The following SH3GL3 variants were observed in gnomAD, a reference collection of about 807,000 sequenced individuals.
SH3GL3 encodes the protein SH3 domain containing GRB2 like 3, endophilin A3.
Under a neutral mutation model 47.7 loss-of-function variants are expected in SH3GL3, and 33 were observed. The ratio of observed to expected loss-of-function variants is 0.69; its 90% CI spans 0.52 to 0.92. The LOEUF (loss-of-function observed/expected upper bound fraction) is 0.92, where lower values mean the gene tolerates loss of function less well. Ranked by LOEUF, SH3GL3 falls within the 40% of genes least tolerant of loss-of-function variation. The pLI is 0.00. For synonymous variants in SH3GL3, 155 were observed against 148.8 expected, an observed-to-expected ratio of 1.04 and a Z score of -0.30; for missense variants, 363 against 417.8, an observed-to-expected ratio of 0.87 and a Z score of 1.14.
the SH3GL3 span, among the ~76,000 whole-genome samples, chr15:83,629,209 C>G: frequency 1.3e-5 from 2 of 152,160 alleles, no homozygotes; most frequent in African/African-American, 4.8e-5. Flanking sequence ...GGCTTTTTGT[C>G]AAAATTGACC....
rs568201173 is a variant in SH3GL3 at position 83,528,232 on chromosome 15, C to G, written c.46-31021C>G. Among the ~76,000 whole-genome samples, 8 of 152,276 alleles carry G rather than the reference C, an allele frequency of 5.3e-5. No individual in the cohort carries two copies. The South Asian group carries it at 1.7e-3, about 32-fold the overall frequency. ...CTTTTCTCTTGATGTTTTTAGAAATCTCTGTCTATCTTTGGCTTTTGACAG... is the reference window on the plus strand; with the variant it reads ...CTTTTCTCTTGATGTTTTTAGAAATGTCTGTCTATCTTTGGCTTTTGACAG... On this transcript the variant is annotated intron_variant, in intron 1 of 8. Coordinates refer to ENST00000427482, the MANE Select transcript of SH3GL3 (RefSeq NM_003027.5).
intron 1 of SH3GL3, among the ~76,000 whole-genome samples, chr15:83,517,656 G>T (rs1445776431): frequency 6.6e-6 from 1 of 151,994 alleles, no homozygotes; most frequent in Non-Finnish European, 1.5e-5. Context: ...TTATTGATTT[G>T]TAGAATATAT....
intron 8 of SH3GL3, among the ~76,000 whole-genome samples, chr15:83,603,270 C>T (rs777111002): frequency 2.0e-5 from 3 of 152,080 alleles, no homozygotes; most frequent in Admixed American, 1.3e-4. Context: ...AAACTGCTGT[C>T]ACCACACTGG....
chr15:83,628,489 T>C, the SH3GL3 span, among the ~76,000 whole-genome samples: 1 of 152,194 alleles, frequency 6.6e-6, no homozygotes, highest in Non-Finnish European at 1.5e-5. Context: ...ACACCTGTAA[T>C]CCCAGCATTT....
chr15:83,562,373 C>T (rs12902433), intron 2 of SH3GL3, among the ~76,000 whole-genome samples: 16,803 of 151,908 alleles, frequency 0.11, 1,160 homozygotes, highest in African/African-American at 0.19. Context: ...AGAAAATATC[C>T]CCATTCTAAT....
intron 2 of SH3GL3, among the ~76,000 whole-genome samples, chr15:83,563,252 A>G (rs1291456964): frequency 1.3e-5 from 2 of 152,178 alleles, no homozygotes; most frequent in African/African-American, 2.4e-5. Context: ...CCTTATGATT[A>G]AAGAGTATTC....
rs58685158 is a variant in SH3GL3 at position 83,463,771 on chromosome 15, T to C, written c.45+16193T>C. On this transcript the variant is annotated intron_variant, in intron 1 of 8. Coordinates refer to ENST00000427482, the MANE Select transcript of SH3GL3 (RefSeq NM_003027.5). ...CCATGTCTGCTTTCTTTCTTTCTTT[T>C]TTTTTTTTTTTTTTTGAGACAGAGT... 3.0e-3 allele frequency among the ~76,000 whole-genome samples: 313 copies of C among 104,708 alleles called. 2 individuals are homozygous for C. The highest frequency in any genetic ancestry group is 7.3e-3 in the African/African-American group (205 of 27,930). The allele number at this position is 104,708 out of a possible 152,430, so 68.7% of individuals were successfully genotyped here.
intron 1 of SH3GL3, among the ~76,000 whole-genome samples, chr15:83,465,663 G>T (rs1567241391): frequency 6.6e-6 from 1 of 151,878 alleles, no homozygotes; most frequent in Non-Finnish European, 1.5e-5. Flanking sequence ...GGGCTTCCCT[G>T]GCTATTCAAT....
intron 1 of SH3GL3, among the ~76,000 whole-genome samples, chr15:83,540,754 C>A (rs1204088788): frequency 6.6e-6 from 1 of 152,016 alleles, no homozygotes; most frequent in Non-Finnish European, 1.5e-5. Flanking sequence ...TGGGGTATTC[C>A]TCACCTCAAG....
chr15:83,491,208 T>C (rs1596093615), intron 1 of SH3GL3, among the ~76,000 whole-genome samples: 1 of 152,162 alleles, frequency 6.6e-6, no homozygotes, highest in South Asian at 2.1e-4. Context: ...CATGAGTGAA[T>C]TGGACAGTGC....
At chr15:83,558,640 C>G (rs949162201) in intron 1 of SH3GL3, among the ~76,000 whole-genome samples, 1 of 152,160 alleles carries the variant, frequency 6.6e-6, no homozygotes, top group African/African-American at 2.4e-5. Flanking sequence ...AAAGCCGAGG[C>G]TGAGAAAACC....
intron 4 of SH3GL3, among the ~76,000 whole-genome samples, chr15:83,570,325 T>C (rs2045753317): frequency 6.6e-6 from 1 of 152,158 alleles, no homozygotes; most frequent in African/African-American, 2.4e-5. Flanking sequence ...TAAATTTGTT[T>C]ATGGTCTTTC....
At chr15:83,552,104 G>T (rs1402941959) in intron 1 of SH3GL3, among the ~76,000 whole-genome samples, 2 of 152,140 alleles carry the variant, frequency 1.3e-5, no homozygotes, top group Non-Finnish European at 2.9e-5. Context: ...TCTCATTGTG[G>T]ATTGCTGTTT....
intron 1 of SH3GL3, among the ~76,000 whole-genome samples, chr15:83,523,512 C>G (rs1314214946): frequency 6.6e-6 from 1 of 152,160 alleles, no homozygotes; most frequent in African/African-American, 2.4e-5. Context: ...TGGGGAAATC[C>G]CCAAGCCTTC....
chr15:83,583,945 T>G (rs1036311850), intron 6 of SH3GL3, among the ~76,000 whole-genome samples: 1 of 152,060 alleles, frequency 6.6e-6, no homozygotes, highest in African/African-American at 2.4e-5. Flanking sequence ...ACTAATCTCA[T>G]TGTTAGGTTT....
chr15:83,588,144 G>A (rs565640631), intron 7 of SH3GL3, among the ~76,000 whole-genome samples: 10 of 152,190 alleles, frequency 6.6e-5, no homozygotes, highest in East Asian at 1.9e-4. Flanking sequence ...AGATGGAGTC[G>A]TGCTCTGTTG....
chr15:83,587,822 A>T (rs1293068123), intron 7 of SH3GL3, among the ~76,000 whole-genome samples: 1 of 152,216 alleles, frequency 6.6e-6, no homozygotes, highest in South Asian at 2.1e-4. Flanking sequence ...ATTAGGTTTG[A>T]TAACAGAAAA....
chr15:83,625,879 C>T, the SH3GL3 span, among the ~76,000 whole-genome samples: 1 of 152,136 alleles, frequency 6.6e-6, no homozygotes, highest in Non-Finnish European at 1.5e-5. Flanking sequence ...GTCACCCAGG[C>T]TGGAGTGCAG....
At chr15:83,461,412 G>T (rs1338958793) in intron 1 of SH3GL3, among the ~76,000 whole-genome samples, 1 of 152,162 alleles carries the variant, frequency 6.6e-6, no homozygotes, top group East Asian at 1.9e-4. Flanking sequence ...ACTGATAATG[G>T]ATTATAATTT....
Sources: allele counts gnomAD v4.1 joint callset (sites outside exome capture counted in the v4.1 genomes callset), GRCh38; gene constraint gnomAD v4.1.1; transcripts MANE v1.5; gene names NCBI Gene and HGNC (gene_info 2026-07-23, HGNC 2026-07-21).